Variants in SDK2 observed in about 807,000 individuals in gnomAD.
SDK2 encodes the protein sidekick cell adhesion molecule 2.
Under a neutral mutation model 253.9 loss-of-function variants are expected in SDK2, and 105 were observed. The observed-to-expected ratio is 0.41, with a 90% CI of 0.35 to 0.49. The LOEUF (loss-of-function observed/expected upper bound fraction) is 0.49. Among genes scored for constraint, SDK2 ranks in the 20% least tolerant of loss-of-function variants. SDK2 has a pLI of 0.06. For synonymous variants in SDK2, 1,249 were observed against 1,234.9 expected, an observed-to-expected ratio of 1.01 and a Z score of -0.24; for missense variants, 2,608 against 3,003.0, an observed-to-expected ratio of 0.87 and a Z score of 3.07.
At chr17:73,444,218 G>T (rs548517986) in intron 5 of SDK2, among the ~76,000 whole-genome samples, 145 of 152,290 alleles carry the variant, frequency 9.5e-4, no homozygotes, top group African/African-American at 3.3e-3. Context: ...GCTCGGGGAC[G>T]CACATTAAGC....
intron 12 of SDK2, among the ~76,000 whole-genome samples, chr17:73,427,589 T>A (rs1363352315): frequency 2.3e-5 from 3 of 129,610 alleles, no homozygotes; most frequent in Non-Finnish European, 1.6e-5. Flanking sequence ...AAGATAAAAA[T>A]AAAAAAGAAG....
intron 31 of SDK2, 51 bp downstream of exon 31, chr17:73,386,394 A>G (rs1432990463): frequency 7.6e-7 from 1 of 1,312,050 alleles, no homozygotes; most frequent in African/African-American, 1.5e-5. Context: ...CCCCATGCCC[A>G]GGAAGCAGCC....
At position 73,380,875 on chromosome 17, in the gene SDK2, A is replaced by C. The variant is rs1036235078; in HGVS notation, c.4762+19T>G. On this transcript the variant is annotated intron_variant, in intron 34 of 44. Coordinates refer to ENST00000392650, the MANE Select transcript of SDK2 (RefSeq NM_001144952.2). Reference sequence around the variant, plus strand: ...CGAGGCCTGGGCCCGCGATGAAGCCACCATGCAAGGAGACTTACTGTCCAG... The same window carrying C: ...CGAGGCCTGGGCCCGCGATGAAGCCCCCATGCAAGGAGACTTACTGTCCAG... 8 of 1,550,912 alleles carry C rather than the reference A, an allele frequency of 5.2e-6. No homozygotes were observed. The Admixed American group carries it at 9.6e-5, about 19-fold the overall frequency.
chr17:73,486,209 C>A (rs1329113177), intron 2 of SDK2, among the ~76,000 whole-genome samples: 2 of 152,126 alleles, frequency 1.3e-5, no homozygotes, highest in African/African-American at 4.8e-5. Flanking sequence ...GAGAGTGGCT[C>A]CCGGCAAGAG....
chr17:73,393,499 TG>T, intron 27 of SDK2, 60 bp downstream of exon 27: 1 of 1,442,496 alleles, frequency 6.9e-7, no homozygotes, highest in East Asian at 2.4e-5. Context: ...CAAGGCCAGA[TG>T]GGCAGGAGGA....
At position 73,504,215 on chromosome 17, in the gene SDK2, TGA is replaced by T. The variant is rs1157339927; in HGVS notation, c.224+3221_224+3222del. ...GTGCGTGTGTGTGTGTGTGTGTGTG[TGA>T]GAGAGAGAGAGAGAGAGAAAGTGTG... On this transcript the variant is annotated intron_variant, in intron 2 of 44. Coordinates refer to ENST00000392650, the MANE Select transcript of SDK2 (RefSeq NM_001144952.2). 666 of 81,738 alleles carry T rather than the reference TGA, an allele frequency of 8.1e-3. 2 individuals carry two copies. Among genetic ancestry groups the T allele is most frequent in the Non-Finnish European group, 0.013 (361 of 28,702 alleles). The allele number at this position is 81,738 out of a possible 1,614,324, so 5.1% of individuals were successfully genotyped here. A position where few individuals can be genotyped will look rare whatever the true frequency, so the allele number is the denominator to read the frequency against.
At chr17:73,493,318 C>A (rs898999501) in intron 2 of SDK2, among the ~76,000 whole-genome samples, 1 of 152,208 alleles carries the variant, frequency 6.6e-6, no homozygotes, top group African/African-American at 2.4e-5. Flanking sequence ...GAGCTTTCCT[C>A]GGGAGCCTTT....
At chr17:73,409,164 T>A (rs2063105098) in intron 18 of SDK2, among the ~76,000 whole-genome samples, 1 of 151,974 alleles carries the variant, frequency 6.6e-6, no homozygotes, top group Non-Finnish European at 1.5e-5. Flanking sequence ...TCTACTTGGG[T>A]GGATGTTTGA....
chr17:73,482,648 C>T (rs2063733266), intron 2 of SDK2, among the ~76,000 whole-genome samples: 1 of 152,246 alleles, frequency 6.6e-6, no homozygotes, highest in South Asian at 2.1e-4. Context: ...TAAGTGCTCT[C>T]AATGAACAAG....
intron 18 of SDK2, among the ~76,000 whole-genome samples, chr17:73,409,592 T>G (rs2063108600): frequency 6.6e-6 from 1 of 151,546 alleles, no homozygotes; most frequent in Non-Finnish European, 1.5e-5. Flanking sequence ...ATTGCGCCAT[T>G]GCATTCTAGC....
chr17:73,514,614 T>C (rs1031083991), intron 1 of SDK2, among the ~76,000 whole-genome samples: 2 of 152,162 alleles, frequency 1.3e-5, no homozygotes, highest in African/African-American at 2.4e-5. Flanking sequence ...GGCCAAATGA[T>C]GTCCATCTGC....
chr17:73,433,010 C>T (rs867254232), intron 10 of SDK2, among the ~76,000 whole-genome samples: 1 of 152,062 alleles, frequency 6.6e-6, no homozygotes, highest in African/African-American at 2.4e-5. Context: ...TCTGAGCTGC[C>T]TGGGGTAGGA....
intron 26 of SDK2, 83 bp downstream of exon 26, chr17:73,394,126 G>A (rs1052558764): frequency 6.3e-6 from 5 of 794,520 alleles, no homozygotes; most frequent in African/African-American, 5.2e-5. Context: ...GAGACCTAGA[G>A]GGTGATAAGG....
intron 1 of SDK2, among the ~76,000 whole-genome samples, chr17:73,510,038 TG>T (rs1277251135): frequency 2.0e-5 from 3 of 151,836 alleles, no homozygotes; most frequent in Non-Finnish European, 2.9e-5. Context: ...GGTAGCTGGC[TG>T]TGGCTGGGTG....
At chr17:73,353,558 C>A (rs962557114) in intron 40 of SDK2, among the ~76,000 whole-genome samples, 1 of 151,984 alleles carries the variant, frequency 6.6e-6, no homozygotes, top group South Asian at 2.1e-4. Context: ...ATCCACCATG[C>A]CTGACTAATT....
chr17:73,437,166 G>A (rs1476905083), intron 8 of SDK2, among the ~76,000 whole-genome samples: 1 of 152,124 alleles, frequency 6.6e-6, no homozygotes, highest in African/African-American at 2.4e-5. Context: ...TGCTCAGCGT[G>A]TCCCACTGTG....
chr17:73,437,537 C>T (rs2063379620), intron 8 of SDK2, among the ~76,000 whole-genome samples: 1 of 152,076 alleles, frequency 6.6e-6, no homozygotes, highest in African/African-American at 2.4e-5. Flanking sequence ...AGTTTTGGTA[C>T]CGTAAAGGTT....
At chr17:73,342,446 G>GCC (rs2062446849) in intron 44 of SDK2, among the ~76,000 whole-genome samples, 2 of 152,236 alleles carry the variant, frequency 1.3e-5, no homozygotes, top group African/African-American at 4.8e-5. Context: ...GGCCGAGTGA[G>GCC]GCTGGCCTGG....
intron 2 of SDK2, among the ~76,000 whole-genome samples, chr17:73,485,348 A>C (rs1431959437): frequency 6.6e-6 from 1 of 152,126 alleles, no homozygotes; most frequent in Non-Finnish European, 1.5e-5. Flanking sequence ...AGGATGGTTG[A>C]AGAGTGCCAG....
Sources: gnomAD v4.1 joint callset for allele counts (sites outside exome capture counted in the v4.1 genomes callset) on GRCh38, gnomAD v4.1.1 for gene constraint, MANE v1.5 for transcripts, NCBI Gene and HGNC (gene_info 2026-07-23, HGNC 2026-07-21) for gene names.